The following CHMP4C variants were observed in gnomAD, a reference collection of about 807,000 sequenced individuals.
CHMP4C encodes SNF7 homolog associated with Alix 3.
Under a neutral mutation model 29.0 loss-of-function variants are expected in CHMP4C, and 28 were observed. The observed-to-expected ratio is 0.97, with a 90% confidence interval of 0.72 to 1.32. The LOEUF (loss-of-function observed/expected upper bound fraction) is 1.32. Ranked by LOEUF, CHMP4C falls within the 40% of genes most tolerant of loss-of-function variation. The pLI, the probability that CHMP4C is intolerant of heterozygous loss-of-function variation, is 0.00. For synonymous variants in CHMP4C, 106 were observed against 102.4 expected (o/e 1.04, Z -0.21); for missense variants, 291 against 281.0 (o/e 1.04, Z -0.25).
intron 1 of CHMP4C, among the ~76,000 whole-genome samples, chr8:81,737,570 GA>G (rs1234675097): frequency 1.3e-5 from 2 of 152,002 alleles, no homozygotes; most frequent in African/African-American, 4.8e-5. Flanking sequence ...ATATTTAATA[GA>G]AAGTATCTTG....
intron 2 of CHMP4C, among the ~76,000 whole-genome samples, 173 bp from the exon 3 acceptor site, chr8:81,755,197 A>C (rs1390726543): frequency 1.3e-5 from 2 of 152,144 alleles, no homozygotes; most frequent in Non-Finnish European, 2.9e-5. Flanking sequence ...TGGATTATTA[A>C]GTTTTTAAAA....
intron 1 of CHMP4C, among the ~76,000 whole-genome samples, chr8:81,741,003 A>G (rs1456172534): frequency 2.6e-5 from 4 of 152,208 alleles, no homozygotes; most frequent in African/African-American, 9.6e-5. Flanking sequence ...CTATGAACTC[A>G]TATTGGCTTA....
intron 1 of CHMP4C, among the ~76,000 whole-genome samples, chr8:81,733,773 T>C (rs1808649456): frequency 6.6e-6 from 1 of 152,192 alleles, no homozygotes; most frequent in Admixed American, 6.5e-5. Context: ...AACACCGGGT[T>C]CATGGCAGAC....
In CHMP4C at chr8:81,737,210, A is replaced by C. The variant is rs537668843; in HGVS notation, c.190+4394A>C. Among the ~76,000 whole-genome samples, 10 of 152,294 alleles carry C rather than the reference A, an allele frequency of 6.6e-5. No homozygotes were observed. In the East Asian group the frequency reaches 1.9e-3, roughly 29 times the overall value. ...TACTTCTTCTGAGCACTGCGTCTTA[A>C]ATAGTCACCTGGATGCATGGGGCCC... On this transcript the variant is annotated intron_variant, in intron 1 of 4. Transcript: ENST00000297265.
At chr8:81,757,258 TAATG>T (rs774854984) in intron 3 of CHMP4C, among the ~76,000 whole-genome samples, 1 of 152,202 alleles carries the variant, frequency 6.6e-6, no homozygotes, top group Non-Finnish European at 1.5e-5. Context: ...ATTTGTTGAA[TAATG>T]AATGAATGAA....
At chr8:81,745,725 T>G (rs2130484556) in intron 1 of CHMP4C, among the ~76,000 whole-genome samples, 1 of 152,296 alleles carries the variant, frequency 6.6e-6, no homozygotes, top group South Asian at 2.1e-4. Flanking sequence ...GTTCGGCAAC[T>G]CCAGTGCTGA....
Position 81,753,044 on chromosome 8 carries a change from G to A in CHMP4C, c.191-20G>A, listed in dbSNP as rs1180393542. 1.9e-6 allele frequency: 3 copies of A among 1,577,926 alleles called. No homozygotes were observed. The highest frequency in any genetic ancestry group is 1.7e-4 in the Middle Eastern group (1 of 5,906). On this transcript the variant is annotated intron_variant, in intron 1 of 4. Coordinates refer to ENST00000297265, the MANE Select transcript of CHMP4C (RefSeq NM_152284.4). ...TGTCTCTTTCTCTTTCCTAATAAAT[G>A]TGGCTTCTCTCTTATTTAGCTGCAT...
intron 1 of CHMP4C, among the ~76,000 whole-genome samples, chr8:81,747,589 G>C (rs1263232360): frequency 6.6e-6 from 1 of 152,002 alleles, no homozygotes; most frequent in Non-Finnish European, 1.5e-5. Context: ...GTTATGATGA[G>C]GTATTTTTGG....
At position 81,732,568 on chromosome 8, in the gene CHMP4C, C is replaced by A. The variant is rs545377904; in HGVS notation, c.-59C>A. 1.5e-6 allele frequency: 2 copies of A among 1,351,702 alleles called. No homozygotes were observed. Among genetic ancestry groups the A allele is most frequent in the East Asian group, 2.5e-5 (1 of 39,656 alleles). 83.7% of individuals were successfully genotyped at this position (1,351,702 alleles called of 1,614,324 possible). On this transcript the variant is annotated 5_prime_UTR_variant, in exon 1 of 5. Transcript: ENST00000297265. ...GCCTTGCTCACCTGTCCCCTCGGCGCGGCCCCGGGGAGCTCCCGAGAGGCC... is the reference window on the plus strand; with the variant it reads ...GCCTTGCTCACCTGTCCCCTCGGCGAGGCCCCGGGGAGCTCCCGAGAGGCC...
chr8:81,746,336 G>C (rs1216966361), intron 1 of CHMP4C, among the ~76,000 whole-genome samples: 1 of 152,176 alleles, frequency 6.6e-6, no homozygotes, highest in Admixed American at 6.5e-5. Flanking sequence ...CACATGGTAG[G>C]CTGGGACTAC....
At chr8:81,747,626 T>C (rs1286999820) in intron 1 of CHMP4C, among the ~76,000 whole-genome samples, 1 of 152,024 alleles carries the variant, frequency 6.6e-6, no homozygotes, top group Non-Finnish European at 1.5e-5. Flanking sequence ...ATCACATAGG[T>C]TCTTTTCTAT....
In CHMP4C at chr8:81,742,399, G is replaced by T. The variant is rs190369121; in HGVS notation, c.190+9583G>T. Among the ~76,000 whole-genome samples, 29 of 152,248 alleles carry T rather than the reference G, an allele frequency of 1.9e-4. 1 individual carries two copies. The highest frequency in any genetic ancestry group is 7.0e-4 in the African/African-American group (29 of 41,554). On this transcript the variant is annotated intron_variant, in intron 1 of 4. Transcript: ENST00000297265. ...GCCTTGCATTAAGAGTTAAATTCTT[G>T]ATTTAAAAATTAAAATTCAATGTCA...
intron 4 of CHMP4C, 34 bp downstream of exon 4, chr8:81,758,329 T>C: frequency 6.2e-7 from 1 of 1,610,764 alleles, no homozygotes; most frequent in East Asian, 2.2e-5. Context: ...TGTGGTCAGA[T>C]AGTTGCCTAA....
At position 81,732,779 on chromosome 8, in the gene CHMP4C, C is replaced by A. The variant is rs369160578; in HGVS notation, c.153C>A (p.Ile51=). The A allele has an allele frequency of 2.5e-6, 4 of 1,612,220 alleles. No homozygotes were observed. The Admixed American group carries it at 6.7e-5, about 27-fold the overall frequency. ...TGGAAAATCGAATCCAGAGAGAAAT[C>A]GCCCTGGCCAAGAAGCACGGCACGC... ...EYLENRIQRE[I]ALAKKHGTQN... The change falls in exon 1 of 5, where the codon ATC becomes ATA. Residue 51 remains isoleucine, a synonymous_variant. Coordinates refer to ENST00000297265, the MANE Select transcript of CHMP4C (RefSeq NM_152284.4).
intron 1 of CHMP4C, among the ~76,000 whole-genome samples, chr8:81,740,295 G>T (rs1001302186): frequency 6.6e-6 from 1 of 152,310 alleles, no homozygotes; most frequent in South Asian, 2.1e-4. Flanking sequence ...GGGGTAGGGG[G>T]AATGGTTTTG....
Position 81,758,227 on chromosome 8 carries a change from C to T in CHMP4C, c.569C>T (p.Ser190Phe). Residue 190 changes from serine to phenylalanine, a missense_variant, in exon 4 of 5, where the codon TCC (serine) becomes TTC (phenylalanine). By Grantham distance (155) the Ser-to-Phe change is radical (BLOSUM62 -2). Transcript: ENST00000297265. ...AATATCCGCCTTCCAAATGTGCCTT[C>T]CTCTTCTCTCCCAGCACAGCCAAAT... ...MTNIRLPNVP[S>F]SSLPAQPNRK... is the part of the protein sequence containing the mutation. 1.2e-6 allele frequency: 2 copies of T among 1,613,932 alleles called. No individual in the cohort carries two copies. Among genetic ancestry groups the T allele is most frequent in the East Asian group, 4.5e-5 (2 of 44,872 alleles).
intron 1 of CHMP4C, among the ~76,000 whole-genome samples, chr8:81,745,387 G>A (rs887488796): frequency 6.6e-6 from 1 of 152,160 alleles, no homozygotes; most frequent in East Asian, 1.9e-4. Context: ...GGATATGATG[G>A]TTCCTAAAAG....
chr8:81,732,837 C>A (rs1397046203), intron 1 of CHMP4C, 21 bp downstream of exon 1: 1 of 1,601,626 alleles, frequency 6.2e-7, no homozygotes, highest in Non-Finnish European at 8.5e-7. Context: ...GTCTGGCCCA[C>A]AGGCGGGAGC....
At position 81,737,513 on chromosome 8, in the gene CHMP4C, T is replaced by C. The variant is rs147818111; in HGVS notation, c.190+4697T>C. Among the ~76,000 whole-genome samples, 3 of 152,376 alleles carry C rather than the reference T, an allele frequency of 2.0e-5. No homozygotes were observed. In the East Asian group the frequency reaches 5.8e-4, roughly 29 times the overall value. On this transcript the variant is annotated intron_variant, in intron 1 of 4. Transcript: ENST00000297265. ...CAGGTCACTATTCCAACTTTATTTA[T>C]TGATTTATTTTTTGCTTAAATATAA...
Sources: gnomAD v4.1 joint callset for allele counts (sites outside exome capture counted in the v4.1 genomes callset) on GRCh38, gnomAD v4.1.1 for gene constraint, MANE v1.5 for transcripts, NCBI Gene and HGNC (gene_info 2026-07-23, HGNC 2026-07-21) for gene names.